The following ENTHD1 variants were observed in gnomAD, a reference collection of about 807,000 sequenced individuals.
ENTHD1 encodes ENTH domain-containing protein 1.
Under a neutral mutation model 39.1 loss-of-function variants are expected in ENTHD1, and 23 were observed. The ratio of observed to expected loss-of-function variants is 0.59; its 90% CI spans 0.42 to 0.83. ENTHD1 has a LOEUF of 0.83. Among genes scored for constraint, ENTHD1 ranks in the 40% least tolerant of loss-of-function variants. The probability of loss-of-function intolerance (pLI) is 0.00; values close to 1 mark genes in which losing one functional copy is unlikely to be tolerated. For synonymous variants in ENTHD1, 230 were observed against 258.2 expected, an observed-to-expected ratio of 0.89 and a Z score of 1.05; for missense variants, 624 against 705.4, an observed-to-expected ratio of 0.88 and a Z score of 1.31.
At chr22:39,757,768 G>A (rs536106265) in intron 6 of ENTHD1, among the ~76,000 whole-genome samples, 3 of 152,116 alleles carry the variant, frequency 2.0e-5, no homozygotes, top group East Asian at 1.9e-4. Context: ...ATCTCATCTC[G>A]AATTGTATTC....
At chr22:39,885,087 C>A (rs2066369151) in intron 2 of ENTHD1, among the ~76,000 whole-genome samples, 1 of 152,150 alleles carries the variant, frequency 6.6e-6, no homozygotes, top group South Asian at 2.1e-4. Flanking sequence ...GGAGAAGATA[C>A]TTGCATATCA....
chr22:39,850,954 T>G (rs1236825878), intron 3 of ENTHD1, among the ~76,000 whole-genome samples: 2 of 152,256 alleles, frequency 1.3e-5, no homozygotes, highest in Non-Finnish European at 2.9e-5. Context: ...TATTCTCTCT[T>G]GAATTTTCAA....
rs2066282829 is a variant in ENTHD1, at chr22:39,875,626, T to G, written c.349+11774A>C. The G allele has an allele frequency of 6.2e-6, 10 of 1,611,928 alleles. No homozygotes were observed. The South Asian group carries it at 1.1e-4, about 18-fold the overall frequency. On this transcript the variant is annotated intron_variant, in intron 2 of 6. Transcript: ENST00000325157. ...GAGAAAGCACCGAGGCTAGGAAAGG[T>G]TTCTCCTATTTGGTAACTGGAGTAA...
At chr22:39,757,969 T>A (rs563201162) in intron 6 of ENTHD1, among the ~76,000 whole-genome samples, 1 of 152,180 alleles carries the variant, frequency 6.6e-6, no homozygotes, top group East Asian at 1.9e-4. Flanking sequence ...ATTCTAAGTT[T>A]CCTGAGGCCT....
chr22:39,893,312 G>T (rs1194380802), intron 1 of ENTHD1: 1 of 152,182 alleles, frequency 6.6e-6, no homozygotes, highest in African/African-American at 2.4e-5. Flanking sequence ...GGCTGAGCAA[G>T]AATCAACTTT....
intron 3 of ENTHD1, among the ~76,000 whole-genome samples, chr22:39,848,001 G>A (rs1242099499): frequency 6.6e-6 from 1 of 152,158 alleles, no homozygotes; most frequent in Non-Finnish European, 1.5e-5. Context: ...AAACCCTAGG[G>A]AAGAATCCAC....
intron 5 of ENTHD1, among the ~76,000 whole-genome samples, chr22:39,803,980 A>T (rs1004639352): frequency 6.6e-6 from 1 of 152,002 alleles, no homozygotes; most frequent in Non-Finnish European, 1.5e-5. Flanking sequence ...TAAACAACAT[A>T]GTGAGACCCT....
chr22:39,773,183 A>G (rs2065341369), intron 5 of ENTHD1, among the ~76,000 whole-genome samples: 3 of 151,838 alleles, frequency 2.0e-5, no homozygotes, highest in African/African-American at 7.3e-5. Flanking sequence ...AAATCCAACT[A>G]AGTCATATTT....
At chr22:39,887,283 C>G in intron 2 of ENTHD1, 117 bp downstream of exon 2, 1 of 850,774 alleles carries the variant, frequency 1.2e-6, no homozygotes, top group Non-Finnish European at 1.8e-6. Context: ...GCAATCTTTC[C>G]TCACTACAGC....
chr22:39,846,321 C>G (rs1272628658), intron 3 of ENTHD1, among the ~76,000 whole-genome samples: 1 of 152,132 alleles, frequency 6.6e-6, no homozygotes, highest in Non-Finnish European at 1.5e-5. Flanking sequence ...CCATTTCTGC[C>G]TCCTGAATAG....
At chr22:39,812,757 G>A (rs1244153350) in intron 5 of ENTHD1, among the ~76,000 whole-genome samples, 1 of 152,110 alleles carries the variant, frequency 6.6e-6, no homozygotes. Context: ...CAGGTGGCAG[G>A]TTGATTACAT....
intron 6 of ENTHD1, among the ~76,000 whole-genome samples, chr22:39,746,740 G>T (rs2065108584): frequency 6.6e-6 from 1 of 152,164 alleles, no homozygotes; most frequent in Non-Finnish European, 1.5e-5. Flanking sequence ...GGTGCTGGGA[G>T]GCCAGCAGGG....
chr22:39,832,498 G>A (rs1050598010), intron 4 of ENTHD1, among the ~76,000 whole-genome samples: 6 of 152,072 alleles, frequency 3.9e-5, no homozygotes, highest in South Asian at 2.1e-4. Context: ...TATATTTAAC[G>A]GAAATTAAGC....
At chr22:39,841,431 G>A (rs1424730054) in intron 3 of ENTHD1, among the ~76,000 whole-genome samples, 2 of 151,754 alleles carry the variant, frequency 1.3e-5, no homozygotes, top group African/African-American at 4.8e-5. Flanking sequence ...TGTATTGGGT[G>A]CATATATATT....
At chr22:39,810,694 A>C (rs868112222) in intron 5 of ENTHD1, among the ~76,000 whole-genome samples, 1 of 152,204 alleles carries the variant, frequency 6.6e-6, no homozygotes, top group Admixed American at 6.5e-5. Flanking sequence ...AGATTATTGC[A>C]AATATAATCA....
At chr22:39,773,744 A>T (rs1026238040) in intron 5 of ENTHD1, among the ~76,000 whole-genome samples, 3 of 152,226 alleles carry the variant, frequency 2.0e-5, no homozygotes, top group African/African-American at 4.8e-5. Flanking sequence ...CCAGGAGACC[A>T]ATGAAATAAT....
intron 4 of ENTHD1, among the ~76,000 whole-genome samples, chr22:39,822,193 CT>C (rs879460025): frequency 5.5e-4 from 65 of 117,640 alleles, no homozygotes; most frequent in East Asian, 2.0e-3. Flanking sequence ...GCTGGTATGT[CT>C]TTTTTTTTTT....
chr22:39,780,998 C>CAAAAAAAAAAAAAA (rs370342913), intron 5 of ENTHD1, among the ~76,000 whole-genome samples: 1 of 124,894 alleles, frequency 8.0e-6, no homozygotes. Flanking sequence ...GACTCCATCT[C>CAAAAAAAAAAAAAA]AAAAAAAAAA....
At chr22:39,866,862 A>C (rs1425439764) in intron 2 of ENTHD1, among the ~76,000 whole-genome samples, 1 of 152,220 alleles carries the variant, frequency 6.6e-6, no homozygotes, top group Non-Finnish European at 1.5e-5. Context: ...AAATGAATGA[A>C]TATGCTGAGG....
Sources: gnomAD v4.1 joint callset for allele counts (sites outside exome capture counted in the v4.1 genomes callset) on GRCh38, gnomAD v4.1.1 for gene constraint, MANE v1.5 for transcripts, NCBI Gene and HGNC (gene_info 2026-07-23, HGNC 2026-07-21) for gene names.